Variants in RUNX2 observed in about 807,000 individuals in gnomAD.
The protein encoded by RUNX2 is runt-related transcription factor 2.
RUNX2 carries 10 observed loss-of-function variants against 51.7 expected under a neutral mutation model. The observed-to-expected ratio is 0.19, with a 90% CI of 0.12 to 0.33. The LOEUF (loss-of-function observed/expected upper bound fraction) is 0.33. RUNX2 is among the 10% of genes least tolerant of loss of function. The pLI is 1.00. For missense variants in RUNX2, 562 were observed against 691.3 expected, an observed-to-expected ratio of 0.81 and a Z score of 2.10; for synonymous variants, 276 against 273.6, an observed-to-expected ratio of 1.01 and a Z score of -0.09.
At chr6:45,403,476 G>A (rs925691174) in intron 2 of RUNX2, among the ~76,000 whole-genome samples, 13 of 151,900 alleles carry the variant, frequency 8.6e-5, no homozygotes, top group Admixed American at 3.3e-4. Flanking sequence ...CAGGTGATCC[G>A]CCCGCCTCAG....
intron 2 of RUNX2, among the ~76,000 whole-genome samples, chr6:45,355,016 C>CCAGGCTAAA: frequency 6.6e-6 from 1 of 152,126 alleles, no homozygotes; most frequent in South Asian, 2.1e-4. Context: ...ACTCTGTCAC[C>CCAGGCTAAA]CAGGCTAAAG....
chr6:45,442,477 A>G lies in RUNX2; in HGVS notation c.685+4426A>G, dbSNP rs142322266. On this transcript the variant is annotated intron_variant, in intron 5 of 8. Coordinates refer to ENST00000647337, the MANE Select transcript of RUNX2 (RefSeq NM_001024630.4). Reference sequence around the variant, plus strand: ...TGGTTCCACCTCCAGTCTGATTTAAATAATTTCTACAGGAATGTGAAAACT... The same window carrying G: ...TGGTTCCACCTCCAGTCTGATTTAAGTAATTTCTACAGGAATGTGAAAACT... Among the ~76,000 whole-genome samples the G allele has an allele frequency of 2.6e-3, 391 of 152,336 alleles. 3 individuals are homozygous for G. Among genetic ancestry groups the G allele is most frequent in the African/African-American group, 8.8e-3 (365 of 41,572 alleles).
chr6:45,423,110 G>T (rs536983858), intron 3 of RUNX2, among the ~76,000 whole-genome samples, 153 bp downstream of exon 3: 1 of 146,952 alleles, frequency 6.8e-6, no homozygotes, highest in East Asian at 2.0e-4. Context: ...GCCTCCCTCC[G>T]GATGCCCTGG....
rs746114073 is a variant in RUNX2, at chr6:45,512,345, C to T, written c.959C>T (p.Pro320Leu). 36 of 1,614,048 alleles carry T rather than the reference C, an allele frequency of 2.2e-5. No individual in the cohort carries two copies. The highest frequency in any genetic ancestry group is 9.3e-5 in the African/African-American group (7 of 74,924). The change falls in exon 7 of 9, where the codon CCG (proline) becomes CTG (leucine). Residue 320 changes from proline (P) to leucine (L), a missense_variant. By Grantham distance (98) the Pro-to-Leu change is moderately conservative. Coordinates refer to ENST00000647337, the MANE Select transcript of RUNX2 (RefSeq NM_001024630.4). ...MTSPSIHSTTPLSSTRGTGLP... is the reference protein window; with the variant it reads ...MTSPSIHSTTLLSSTRGTGLP... ...TCCCCGTCCATCCACTCTACCACCC[C>T]GCTGTCTTCCACACGGGGCACTGGG...
Position 45,547,014 on chromosome 6 carries a change from C to T in RUNX2, c.1275C>T (p.Pro425=). Residue 425 remains proline (P), a synonymous_variant, in exon 9 of 9, where the codon CCC becomes CCT. Coordinates refer to ENST00000647337, the MANE Select transcript of RUNX2 (RefSeq NM_001024630.4). Reference sequence around the variant, plus strand: ...ACTACCACACCTACCTGCCACCACCCTACCCCGGCTCTTCCCAAAGCCAGA... The same window carrying T: ...ACTACCACACCTACCTGCCACCACCTTACCCCGGCTCTTCCCAAAGCCAGA... ...TTHYHTYLPP[P]YPGSSQSQSG... 4 of 1,614,112 alleles carry T rather than the reference C, an allele frequency of 2.5e-6. No individual in the cohort carries two copies. Among genetic ancestry groups the T allele is most frequent in the Non-Finnish European group, 3.4e-6 (4 of 1,180,028 alleles).
chr6:45,334,567 G>GT (rs1435365958), intron 2 of RUNX2, among the ~76,000 whole-genome samples: 33 of 150,178 alleles, frequency 2.2e-4, no homozygotes, highest in Non-Finnish European at 7.4e-5. Context: ...GAATAATAAC[G>GT]TGATATTCCA....
chr6:45,384,396 T>C (rs1797305544), intron 2 of RUNX2, among the ~76,000 whole-genome samples: 2 of 152,084 alleles, frequency 1.3e-5, no homozygotes. Flanking sequence ...GCTATTCTTA[T>C]GTCTCAGCCT....
At chr6:45,498,881 A>G (rs1476150046) in intron 6 of RUNX2, among the ~76,000 whole-genome samples, 2 of 152,310 alleles carry the variant, frequency 1.3e-5, no homozygotes, top group East Asian at 3.9e-4. Context: ...GTCTTAAGTT[A>G]CTGTTCTGTT....
At chr6:45,465,882 G>A (rs1186692652) in intron 5 of RUNX2, among the ~76,000 whole-genome samples, 2 of 151,672 alleles carry the variant, frequency 1.3e-5, no homozygotes, top group African/African-American at 2.4e-5. Context: ...CTGGACGCAA[G>A]CAATACACCC....
intron 2 of RUNX2, among the ~76,000 whole-genome samples, chr6:45,413,925 G>A (rs1798008120): frequency 6.6e-6 from 1 of 152,114 alleles, no homozygotes; most frequent in Non-Finnish European, 1.5e-5. Context: ...AGCCTTAGGG[G>A]CAAAACTTAA....
Position 45,546,441 on chromosome 6 carries a change from A to G in RUNX2, c.1088-386A>G, listed in dbSNP as rs2150453281. 1.3e-5 allele frequency among the ~76,000 whole-genome samples: 2 copies of G among 152,342 alleles called. 1 individual carries two copies. Among genetic ancestry groups the G allele is most frequent in the Non-Finnish European group, 2.9e-5 (2 of 68,036 alleles). On this transcript the variant is annotated intron_variant, in intron 8 of 8. Coordinates refer to ENST00000647337, the MANE Select transcript of RUNX2 (RefSeq NM_001024630.4). ...TGAGGAAAATAAACTTGTCTGACTT[A>G]GTAAAAATTTCACTTCAAATATCTA...
chr6:45,347,156 A>G (rs532586939), intron 2 of RUNX2, among the ~76,000 whole-genome samples: 78 of 152,312 alleles, frequency 5.1e-4, no homozygotes, highest in African/African-American at 1.8e-3. Context: ...TACATGTATC[A>G]TATTAAGATA....
Position 45,348,445 on chromosome 6 carries a change from T to C in RUNX2, c.58+19661T>C, listed in dbSNP as rs112809656. Reference sequence around the variant, plus strand: ...ACTTTGGGAGGCCGAGGTAGAAGGCTCACTTGAGGTCTAGAGTTCCAGACC... The same window carrying C: ...ACTTTGGGAGGCCGAGGTAGAAGGCCCACTTGAGGTCTAGAGTTCCAGACC... On this transcript the variant is annotated intron_variant, in intron 2 of 8. Transcript: ENST00000647337. Among the ~76,000 whole-genome samples, 801 of 148,526 alleles carry C rather than the reference T, an allele frequency of 5.4e-3. 11 individuals are homozygous for C. Among genetic ancestry groups the C allele is most frequent in the African/African-American group, 0.019 (771 of 39,952 alleles).
At chr6:45,509,963 G>A (rs762599239) in intron 6 of RUNX2, among the ~76,000 whole-genome samples, 4 of 152,190 alleles carry the variant, frequency 2.6e-5, no homozygotes, top group Non-Finnish European at 5.9e-5. Context: ...TAGCTATGTG[G>A]TTCTCAACCT....
intron 6 of RUNX2, among the ~76,000 whole-genome samples, chr6:45,496,612 G>C (rs1388085160): frequency 1.3e-5 from 2 of 152,146 alleles, no homozygotes; most frequent in Non-Finnish European, 2.9e-5. Flanking sequence ...TCAGGCAGTA[G>C]GAAACTCATG....
chr6:45,530,406 G>A (rs189493669), intron 7 of RUNX2, among the ~76,000 whole-genome samples: 17 of 152,322 alleles, frequency 1.1e-4, no homozygotes, highest in African/African-American at 3.6e-4. Context: ...GTTCCAACAA[G>A]TGTAACAAGC....
At chr6:45,455,583 A>G (rs1799296085) in intron 5 of RUNX2, among the ~76,000 whole-genome samples, 1 of 152,148 alleles carries the variant, frequency 6.6e-6, no homozygotes, top group Non-Finnish European at 1.5e-5. Flanking sequence ...AGCAGAATTG[A>G]GTATAAACCC....
At chr6:45,391,338 T>C (rs1797465515) in intron 2 of RUNX2, among the ~76,000 whole-genome samples, 1 of 152,182 alleles carries the variant, frequency 6.6e-6, no homozygotes, top group South Asian at 2.1e-4. Flanking sequence ...TTCCCCTTGC[T>C]CTCTTGTTCC....
intron 2 of RUNX2, among the ~76,000 whole-genome samples, chr6:45,379,659 G>A (rs1428806500): frequency 6.6e-6 from 1 of 152,114 alleles, no homozygotes; most frequent in South Asian, 2.1e-4. Context: ...AAGGTCAGGA[G>A]ATCGAAACCA....
Sources: gnomAD v4.1 joint callset for allele counts (sites outside exome capture counted in the v4.1 genomes callset) on GRCh38, gnomAD v4.1.1 for gene constraint, MANE v1.5 for transcripts, NCBI Gene and HGNC (gene_info 2026-07-23, HGNC 2026-07-21) for gene names.